OR2L13: variants seen among roughly 807,000 people sequenced by gnomAD.
OR2L13 encodes the protein olfactory receptor 2L13.
OR2L13 carries 14 observed loss-of-function variants against 15.3 expected under a neutral mutation model. That is an observed-to-expected ratio of 0.91 (90% CI 0.60 to 1.43). The LOEUF (loss-of-function observed/expected upper bound fraction) is 1.43, where lower values mean the gene tolerates loss of function less well. OR2L13 is among the 40% of genes most tolerant of loss of function. The pLI is 0.00. For synonymous variants in OR2L13, 152 were observed against 142.9 expected (o/e 1.06, Z -0.45); for missense variants, 367 against 387.9 (o/e 0.95, Z 0.45).
At chr1:248,019,786 TTTC>T in the OR2L13 span, among the ~76,000 whole-genome samples, 15 of 151,842 alleles carry the variant, frequency 9.9e-5, no homozygotes, top group Admixed American at 5.3e-4. Context: ...GTTCTGCTTC[TTTC>T]TTCTTCTTCT....
chr1:247,967,108 C>G, the OR2L13 span, among the ~76,000 whole-genome samples: 1 of 151,158 alleles, frequency 6.6e-6, no homozygotes, highest in Non-Finnish European at 1.5e-5. Flanking sequence ...CTGACAAGTT[C>G]CTTTAAGGGG....
chr1:248,075,071 G>T, the OR2L13 span, among the ~76,000 whole-genome samples: 1 of 151,938 alleles, frequency 6.6e-6, no homozygotes, highest in Non-Finnish European at 1.5e-5. Flanking sequence ...CCCACCCTGT[G>T]TCCAAGTGAT....
At chr1:248,043,998 G>C in the OR2L13 span, among the ~76,000 whole-genome samples, 1 of 152,162 alleles carries the variant, frequency 6.6e-6, no homozygotes, top group African/African-American at 2.4e-5. Context: ...GTCTGGATCT[G>C]TTTAGTAAAC....
the OR2L13 span, among the ~76,000 whole-genome samples, chr1:247,967,045 C>CCACACACACAGACACACACA: frequency 6.8e-6 from 1 of 147,410 alleles, no homozygotes; most frequent in Admixed American, 6.8e-5. Context: ...ACACCACACA[C>CCACACACACAGACACACACA]CACACACACA....
chr1:247,989,116 G>A, the OR2L13 span, among the ~76,000 whole-genome samples: 2 of 151,994 alleles, frequency 1.3e-5, no homozygotes, highest in African/African-American at 4.8e-5. Flanking sequence ...GGATGAGAAG[G>A]CAAAAGAGAA....
the OR2L13 span, among the ~76,000 whole-genome samples, chr1:247,996,420 AT>A: frequency 6.6e-6 from 1 of 152,254 alleles, no homozygotes; most frequent in Non-Finnish European, 1.5e-5. Context: ...GAACACAGAC[AT>A]CTAAAAATGT....
the OR2L13 span, among the ~76,000 whole-genome samples, chr1:248,077,505 C>T: frequency 1.3e-5 from 2 of 152,108 alleles, no homozygotes; most frequent in Non-Finnish European, 2.9e-5. Context: ...TTAATTATTG[C>T]CTCAATTTCA....
the OR2L13 span, among the ~76,000 whole-genome samples, chr1:248,069,674 A>G: frequency 9.8e-5 from 15 of 152,324 alleles, no homozygotes; most frequent in East Asian, 2.9e-3. Context: ...AAAGACACAG[A>G]CTGGCAAATT....
the OR2L13 span, chr1:247,966,239 TTATC>T: frequency 6.2e-7 from 1 of 1,613,346 alleles, no homozygotes. Flanking sequence ...CTGAACCCAT[TTATC>T]TACAGCCTGA....
At chr1:247,982,920 G>A in the OR2L13 span, among the ~76,000 whole-genome samples, 2 of 151,918 alleles carry the variant, frequency 1.3e-5, no homozygotes, top group Admixed American at 6.6e-5. Context: ...GGTAATTAAA[G>A]TGAGCCAGCC....
At chr1:247,996,781 T>C in the OR2L13 span, among the ~76,000 whole-genome samples, 1 of 152,214 alleles carries the variant, frequency 6.6e-6, no homozygotes, top group Non-Finnish European at 1.5e-5. Flanking sequence ...CTTTTGAAGA[T>C]GTGGAAACAG....
At chr1:247,997,125 C>T in the OR2L13 span, 8 of 152,122 alleles carry the variant, frequency 5.3e-5, no homozygotes, top group Non-Finnish European at 7.4e-5. Context: ...AATAAAAATA[C>T]ATATCAAAAT....
the OR2L13 span, among the ~76,000 whole-genome samples, chr1:248,088,801 C>T: frequency 6.6e-6 from 1 of 152,038 alleles, no homozygotes; most frequent in Non-Finnish European, 1.5e-5. Flanking sequence ...GTTGTTTTGT[C>T]AAGTAGACAT....
the OR2L13 span, chr1:247,948,780 T>TC: frequency 3.9e-5 from 47 of 1,200,874 alleles, no homozygotes; most frequent in African/African-American, 7.0e-4. Context: ...TTGGAATGCA[T>TC]CCCCTGCAGA....
the OR2L13 span, among the ~76,000 whole-genome samples, chr1:247,951,159 T>C: frequency 6.6e-6 from 1 of 152,256 alleles, no homozygotes; most frequent in Non-Finnish European, 1.5e-5. Flanking sequence ...TCTGTTTTTA[T>C]GCCAGTACTA....
At chr1:247,951,382 A>T in the OR2L13 span, among the ~76,000 whole-genome samples, 120,993 of 152,132 alleles carry the variant, frequency 0.8, 52,484 homozygotes, top group South Asian at 0.95. Flanking sequence ...TTAAATAATA[A>T]TAATTCTTCC....
upstream of OR2L13, among the ~76,000 whole-genome samples, chr1:248,095,562 T>C (rs1664712789): frequency 6.6e-6 from 1 of 150,730 alleles, no homozygotes; most frequent in Non-Finnish European, 1.5e-5. Flanking sequence ...TTTTAAATAA[T>C]TATATGGAAT....
At chr1:248,066,682 T>C in the OR2L13 span, among the ~76,000 whole-genome samples, 1 of 152,230 alleles carries the variant, frequency 6.6e-6, no homozygotes, top group African/African-American at 2.4e-5. Context: ...ACATTTGTCT[T>C]CCTCAGTCCC....
chr1:247,991,187 T>G, the OR2L13 span: 1 of 1,596,670 alleles, frequency 6.3e-7, no homozygotes, highest in South Asian at 1.1e-5. Context: ...ATTCAGAAAA[T>G]CTTTTCAGTG....
Sources: gnomAD v4.1 joint callset for allele counts (sites outside exome capture counted in the v4.1 genomes callset) on GRCh38, gnomAD v4.1.1 for gene constraint, MANE v1.5 for transcripts, NCBI Gene and HGNC (gene_info 2026-07-23, HGNC 2026-07-21) for gene names.